ZC3H7B: variants seen among roughly 807,000 people sequenced by gnomAD.
ZC3H7B encodes zinc finger CCCH-type containing 7B, also known as zinc finger CCCH domain-containing protein 7B.
A neutral mutation model predicts 116.0 loss-of-function variants in ZC3H7B; 35 were observed. The ratio of observed to expected loss-of-function variants is 0.30; its 90% CI spans 0.23 to 0.40. The LOEUF (loss-of-function observed/expected upper bound fraction) is 0.40, where lower values mean the gene tolerates loss of function less well. Ranked by LOEUF, ZC3H7B falls within the 10% of genes least tolerant of loss-of-function variation. The probability of loss-of-function intolerance (pLI) is 1.00; values close to 1 mark genes in which losing one functional copy is unlikely to be tolerated. For synonymous variants in ZC3H7B, 502 were observed against 545.6 expected (o/e 0.92, Z 1.11); for missense variants, 1,011 against 1,321.5 (o/e 0.77, Z 3.64).
intron 1 of ZC3H7B, among the ~76,000 whole-genome samples, chr22:41,307,670 C>T (rs2036062784): frequency 6.6e-6 from 1 of 152,182 alleles, no homozygotes; most frequent in African/African-American, 2.4e-5. Context: ...CACTGTATAC[C>T]AGCATCGTGC....
At chr22:41,353,804 T>C (rs966259428) in intron 17 of ZC3H7B, among the ~76,000 whole-genome samples, 1 of 151,100 alleles carries the variant, frequency 6.6e-6, no homozygotes, top group African/African-American at 2.4e-5. Flanking sequence ...TCTTCTCTTT[T>C]TCTCCCCTCT....
At position 41,321,996 on chromosome 22, in the gene ZC3H7B, C is replaced by T. The variant is rs1383845053; in HGVS notation, c.53+1283C>T. Among the ~76,000 whole-genome samples, 3 of 149,984 alleles carry T rather than the reference C, an allele frequency of 2.0e-5. 1 individual carries two copies. Among genetic ancestry groups the T allele is most frequent in the South Asian group, 4.2e-4 (2 of 4,726 alleles). ...CTGGGACTACAGGCGCCCGCCACTA[C>T]GCCCGGCTAATTTTTTGTATTTTTA... is the stretch of plus-strand genomic sequence containing the variant. On this transcript the variant is annotated intron_variant, in intron 2 of 22. Transcript: ENST00000352645.
rs1207371715 is a variant in ZC3H7B, at chr22:41,349,798, A to G, written c.1948+497A>G. Among the ~76,000 whole-genome samples, 1 of 152,220 alleles carries G rather than the reference A, an allele frequency of 6.6e-6. No homozygotes were observed. The highest frequency in any genetic ancestry group is 6.5e-5 in the Admixed American group (1 of 15,286). ...AGGGCATTCAGCCATGGTCTAGTCGAGGCCCTTACTTTCAGAGAACCTACA... is the reference window on the plus strand; with the variant it reads ...AGGGCATTCAGCCATGGTCTAGTCGGGGCCCTTACTTTCAGAGAACCTACA... On this transcript the variant is annotated intron_variant, in intron 16 of 22. Transcript: ENST00000352645. The surrounding 1 kb of genome is among the most constrained non-coding windows in gnomAD (Gnocchi z 4.9).
Position 41,338,165 on chromosome 22 carries a change from G to A in ZC3H7B, c.583-148G>A. On this transcript the variant is annotated intron_variant, in intron 7 of 22. Transcript: ENST00000352645. The surrounding 1 kb of genome is among the most constrained non-coding windows in gnomAD (Gnocchi z 4.5). ...TTATAGGCATAAGCCACCACGCCTG[G>A]CCGCATGTGAGGGCTTTAATCTCCC... The A allele has an allele frequency of 1.3e-6, 1 of 785,900 alleles. No individual in the cohort carries two copies. The highest frequency in any genetic ancestry group is 2.0e-6 in the Non-Finnish European group (1 of 498,616). 48.7% of individuals were successfully genotyped at this position (785,900 alleles called of 1,614,324 possible).
intron 1 of ZC3H7B, 26 bp downstream of exon 1, chr22:41,301,798 C>CCGCGGG (rs2035968401): frequency 6.6e-6 from 1 of 151,996 alleles, no homozygotes; most frequent in South Asian, 2.1e-4. Flanking sequence ...GGCCCGAGCC[C>CCGCGGG]CGCGGGGCAG....
rs1365654555 is a variant in ZC3H7B, at chr22:41,349,714, G to A, written c.1948+413G>A. Among the ~76,000 whole-genome samples, 2 of 152,196 alleles carry A rather than the reference G, an allele frequency of 1.3e-5. No individual in the cohort carries two copies. The highest frequency in any genetic ancestry group is 2.4e-5 in the African/African-American group (1 of 41,430). ...ATCTCTTCCTCACAGAGCTGCTGCGGGGATTGGAAGGTGTTCTCCACTCAC... is the reference window on the plus strand; with the variant it reads ...ATCTCTTCCTCACAGAGCTGCTGCGAGGATTGGAAGGTGTTCTCCACTCAC... On this transcript the variant is annotated intron_variant, in intron 16 of 22. Coordinates refer to ENST00000352645, the MANE Select transcript of ZC3H7B (RefSeq NM_017590.6). The surrounding 1 kb of genome is among the most constrained non-coding windows in gnomAD (Gnocchi z 4.9).
rs1277949965 is a variant in ZC3H7B at position 41,357,181 on chromosome 22, C to G, written c.2686C>G (p.Gln896Glu). 6.2e-7 allele frequency: 1 copy of G among 1,612,886 alleles called. No homozygotes were observed. Among genetic ancestry groups the G allele is most frequent in the African/African-American group, 1.3e-5 (1 of 74,900 alleles). Residue 896 changes from glutamine to glutamate, a missense_variant, in exon 23 of 23, where the codon CAG becomes GAG. Coordinates refer to ENST00000352645, the MANE Select transcript of ZC3H7B (RefSeq NM_017590.6). This position sits in a 1 kb window ranked among gnomAD's most constrained non-coding sequence, Gnocchi z 5.4. ...TGAGCCTCCTGCCACCCACAGGCTC[C>G]AGAAGGGCAAAGCCTGCCCAGATGG... ...MGEFRLCDRLQKGKACPDGDK... is the reference protein window; with the variant it reads ...MGEFRLCDRLEKGKACPDGDK...
rs546721760 is a variant in ZC3H7B at position 41,359,084 on chromosome 22, C to G, written c.*1655C>G. ...CCCTTTCCTCTTCCCTGCCCCACCC[C>G]CTGGCCGCAGCAGGCCAGCACTGCA... On this transcript the variant is annotated 3_prime_UTR_variant, in exon 23 of 23. Coordinates refer to ENST00000352645, the MANE Select transcript of ZC3H7B (RefSeq NM_017590.6). 2.9e-4 allele frequency: 44 copies of G among 153,036 alleles called. No individual in the cohort carries two copies. Among genetic ancestry groups the G allele is most frequent in the African/African-American group, 9.9e-4 (41 of 41,588 alleles). 9.5% of individuals were successfully genotyped at this position (153,036 alleles called of 1,614,324 possible).
chr22:41,339,998 C>G lies in ZC3H7B; in HGVS notation c.999C>G (p.Ala333=), dbSNP rs145351120. ...TGGACCCCTCCAAGAAGCTGGCCGC[C>G]TCTGTGCTGGATGCCCTCGATCCCC... The part of the protein sequence containing the change: ...LVMDPSKKLA[A]SVLDALDPPG... Residue 333 remains alanine (A), a synonymous_variant, in exon 10 of 23, where the codon GCC becomes GCG. Coordinates refer to ENST00000352645, the MANE Select transcript of ZC3H7B (RefSeq NM_017590.6). The G allele has an allele frequency of 7.0e-5, 112 of 1,611,408 alleles. No individual in the cohort carries two copies. The African/African-American group carries it at 1.4e-3, about 20-fold the overall frequency.
intron 5 of ZC3H7B, among the ~76,000 whole-genome samples, chr22:41,328,931 A>G (rs2036348215): frequency 6.6e-6 from 1 of 151,802 alleles, no homozygotes; most frequent in African/African-American, 2.4e-5. Context: ...TCACGCCTGT[A>G]ATCCCAACAC....
intron 7 of ZC3H7B, chr22:41,336,164 G>A (rs1358522296): frequency 6.6e-6 from 1 of 152,330 alleles, no homozygotes; most frequent in Non-Finnish European, 1.5e-5. Flanking sequence ...ACCACAGCCT[G>A]GAGGTTGGAG....
At chr22:41,330,787 C>A (rs1190841908) in intron 6 of ZC3H7B, among the ~76,000 whole-genome samples, 4 of 150,428 alleles carry the variant, frequency 2.7e-5, no homozygotes. Context: ...ACTAAAAATA[C>A]AAAAATTAGC....
At position 41,351,636 on chromosome 22, in the gene ZC3H7B, G is replaced by T. The variant is rs1483516579; in HGVS notation, c.2024G>T (p.Ser675Ile). The T allele has an allele frequency of 3.1e-6, 5 of 1,613,406 alleles. No homozygotes were observed. Among genetic ancestry groups the T allele is most frequent in the Non-Finnish European group, 4.2e-6 (5 of 1,179,694 alleles). ...QQMEAHAGKA[S>I]SSMGAPRTHG... is the part of the protein sequence containing the mutation. ...ATGGAGGCGCATGCGGGGAAGGCCA[G>T]CAGCAGCATGGTAAGGCCTTCTGAT... The change falls in exon 17 of 23, where the codon AGC (serine) becomes ATC (isoleucine). Residue 675 changes from serine (S) to isoleucine (I), a missense_variant. Around this residue, in one of 5 missense-constraint regions of ZC3H7B, gnomAD observed 406 missense variants for 590.2 expected, o/e 0.69. Transcript: ENST00000352645. This position sits in a 1 kb window ranked among gnomAD's most constrained non-coding sequence, Gnocchi z 5.1.
intron 1 of ZC3H7B, among the ~76,000 whole-genome samples, chr22:41,315,811 C>T (rs2036175445): frequency 6.6e-6 from 1 of 152,082 alleles, no homozygotes; most frequent in African/African-American, 2.4e-5. Context: ...CCTCATTTAA[C>T]CTTAATTACA....
In ZC3H7B at chr22:41,312,329, A is replaced by G. The variant is rs552606278; in HGVS notation, c.-6-8326A>G. ...AAAAAATACAAAAAATTAGCTGGGC[A>G]TGATGGCACATTCCTGTAGTCCCAG... On this transcript the variant is annotated intron_variant, in intron 1 of 22. Transcript: ENST00000352645. 2.6e-5 allele frequency among the ~76,000 whole-genome samples: 4 copies of G among 151,978 alleles called. No homozygotes were observed. The East Asian group carries it at 7.8e-4, about 29-fold the overall frequency.
chr22:41,357,035 G>A lies in ZC3H7B; in HGVS notation c.2682-142G>A. On this transcript the variant is annotated intron_variant, in intron 22 of 22. Coordinates refer to ENST00000352645, the MANE Select transcript of ZC3H7B (RefSeq NM_017590.6). This position sits in a 1 kb window ranked among gnomAD's most constrained non-coding sequence, Gnocchi z 5.4. ...TGGGGCAGATCCCAGAGAGGGTCAG[G>A]ACACCCAGGTTTTCCCTGAGCTGGG... is the stretch of plus-strand genomic sequence containing the variant. 2 of 1,411,648 alleles carry A rather than the reference G, an allele frequency of 1.4e-6. No homozygotes were observed. The highest frequency in any genetic ancestry group is 2.7e-5 in the South Asian group (2 of 73,120). 87.4% of individuals were successfully genotyped at this position (1,411,648 alleles called of 1,614,324 possible).
intron 5 of ZC3H7B, among the ~76,000 whole-genome samples, chr22:41,329,099 G>A (rs569006774): frequency 2.0e-5 from 3 of 148,146 alleles, no homozygotes; most frequent in Admixed American, 6.7e-5. Context: ...CCAGCTACGC[G>A]AAGGCTGAGG....
At chr22:41,340,392 TG>T (rs1166356760) in intron 10 of ZC3H7B, among the ~76,000 whole-genome samples, 1 of 152,058 alleles carries the variant, frequency 6.6e-6, no homozygotes, top group Non-Finnish European at 1.5e-5. Flanking sequence ...ACTCCCAGTC[TG>T]GTGCTCCCTG....
At chr22:41,330,167 A>G in intron 6 of ZC3H7B, 64 bp downstream of exon 6, 2 of 1,569,262 alleles carry the variant, frequency 1.3e-6, no homozygotes, top group Non-Finnish European at 1.7e-6. Flanking sequence ...GGGAGGGACC[A>G]GGCTCCGTGG....
Sources: gnomAD v4.1 joint callset for allele counts (sites outside exome capture counted in the v4.1 genomes callset) on GRCh38, gnomAD v4.1.1 for gene constraint, gnomAD v4.1.1 regional missense constraint, Gnocchi (gnomAD v3.1) non-coding constraint, MANE v1.5 for transcripts, NCBI Gene and HGNC (gene_info 2026-07-23, HGNC 2026-07-21) for gene names.